Variants in CSMD3 observed in about 807,000 individuals in gnomAD.
CSMD3 encodes CUB and sushi domain-containing protein 3.
Under a neutral mutation model 435.2 loss-of-function variants are expected in CSMD3, and 177 were observed. That is an observed-to-expected ratio of 0.41 (90% CI 0.36 to 0.46). The LOEUF (loss-of-function observed/expected upper bound fraction) is 0.46, where lower values mean the gene tolerates loss of function less well. Ranked by LOEUF, CSMD3 falls within the 20% of genes least tolerant of loss-of-function variation. CSMD3 has a pLI of 0.34. For missense variants in CSMD3, 4,265 were observed against 4,504.6 expected (o/e 0.95, Z 1.52); for synonymous variants, 1,656 against 1,520.5 (o/e 1.09, Z -2.07).
chr8:112,839,655 A>G (rs1332527272), intron 11 of CSMD3, among the ~76,000 whole-genome samples: 1 of 151,666 alleles, frequency 6.6e-6, no homozygotes, highest in Non-Finnish European at 1.5e-5. Context: ...TTTGTTAAGA[A>G]GGGCTCTTTT....
chr8:112,829,569 T>C, intron 12 of CSMD3, 117 bp downstream of exon 12: 1 of 718,724 alleles, frequency 1.4e-6, no homozygotes, highest in Admixed American at 2.0e-5. Flanking sequence ...AATAACTAAG[T>C]TACTGTGCAT....
chr8:113,189,374 C>T (rs910174209), intron 3 of CSMD3, among the ~76,000 whole-genome samples: 1 of 151,686 alleles, frequency 6.6e-6, no homozygotes, highest in African/African-American at 2.4e-5. Flanking sequence ...TGTGACCTAT[C>T]CAACTGTATT....
chr8:112,822,950 A>G (rs1317432724), intron 12 of CSMD3, among the ~76,000 whole-genome samples: 2 of 152,136 alleles, frequency 1.3e-5, no homozygotes, highest in Non-Finnish European at 2.9e-5. Context: ...TAATTTGCAT[A>G]TGATTGACCA....
chr8:112,294,229 T>G (rs1820046195), intron 54 of CSMD3, among the ~76,000 whole-genome samples: 1 of 152,106 alleles, frequency 6.6e-6, no homozygotes, highest in Non-Finnish European at 1.5e-5. Context: ...TTCTGTGGAT[T>G]GGATCAAAAC....
At chr8:112,592,557 T>C (rs1014029639) in intron 22 of CSMD3, among the ~76,000 whole-genome samples, 1 of 152,054 alleles carries the variant, frequency 6.6e-6, no homozygotes, top group African/African-American at 2.4e-5. Context: ...AGAATTAGGG[T>C]AATCTTTATT....
At chr8:112,527,917 A>C (rs925504981) in intron 27 of CSMD3, among the ~76,000 whole-genome samples, 2 of 152,246 alleles carry the variant, frequency 1.3e-5, no homozygotes, top group Non-Finnish European at 2.9e-5. Context: ...AGTTCTGCTA[A>C]GGGAGCTGGC....
intron 3 of CSMD3, among the ~76,000 whole-genome samples, chr8:113,216,286 T>C (rs769019229): frequency 1.3e-4 from 19 of 151,940 alleles, no homozygotes; most frequent in Non-Finnish European, 2.5e-4. Flanking sequence ...CTATCTGTTA[T>C]GTACGCACTG....
At chr8:113,046,721 C>G (rs1212527261) in intron 5 of CSMD3, among the ~76,000 whole-genome samples, 1 of 152,134 alleles carries the variant, frequency 6.6e-6, no homozygotes, top group African/African-American at 2.4e-5. Flanking sequence ...GATACAAGGA[C>G]AAGATTCATA....
intron 3 of CSMD3, among the ~76,000 whole-genome samples, chr8:113,234,958 A>G (rs2093130713): frequency 6.6e-6 from 1 of 152,074 alleles, no homozygotes; most frequent in African/African-American, 2.4e-5. Flanking sequence ...GCCAGGTGGT[A>G]TTCATCTGCT....
At chr8:112,249,940 T>G (rs1185254905) in intron 63 of CSMD3, among the ~76,000 whole-genome samples, 3 of 152,006 alleles carry the variant, frequency 2.0e-5, no homozygotes, top group Non-Finnish European at 4.4e-5. Context: ...CTCATCCTTG[T>G]GCACCTTGAG....
rs564682510 is a variant in CSMD3, at chr8:112,586,314, T to A, written c.3885+752A>T. Among the ~76,000 whole-genome samples the A allele has an allele frequency of 2.0e-3, 305 of 151,602 alleles. 3 individuals are homozygous for A. The highest frequency in any genetic ancestry group is 7.2e-3 in the African/African-American group (299 of 41,502). On this transcript the variant is annotated intron_variant, in intron 23 of 70. Transcript: ENST00000297405. ...ACTTAACAATTAGAAAAAAGCTACA[T>A]AACTATTTTAAAAACATTTAAATGT... is the stretch of plus-strand genomic sequence containing the variant.
intron 12 of CSMD3, among the ~76,000 whole-genome samples, chr8:112,817,261 C>G (rs1214690454): frequency 6.6e-6 from 1 of 152,038 alleles, no homozygotes; most frequent in Non-Finnish European, 1.5e-5. Context: ...GTCTCACCCT[C>G]TTGGTCTGCT....
chr8:112,692,917 C>A (rs1341725705), intron 13 of CSMD3, among the ~76,000 whole-genome samples: 1 of 8,566 alleles, frequency 1.2e-4, no homozygotes, highest in African/African-American at 7.5e-4. Flanking sequence ...ATCTTTATAT[C>A]TATCTATCTA....
In CSMD3 at chr8:112,372,970, A is replaced by AT. The variant is rs1563856485; in HGVS notation, c.6136+7381_6136+7382insA. ...GTGTAGTAACTCTGCCAGCAGAAAA[A>AT]ATATATATATATATATTTATATTTT... On this transcript the variant is annotated intron_variant, in intron 38 of 70. Coordinates refer to ENST00000297405, the MANE Select transcript of CSMD3 (RefSeq NM_198123.2). 1.2e-3 allele frequency among the ~76,000 whole-genome samples: 181 copies of AT among 144,862 alleles called. 1 individual carries two copies. The highest frequency in any genetic ancestry group is 4.3e-3 in the African/African-American group (169 of 39,730).
At chr8:113,106,133 G>A (rs1008260543) in intron 4 of CSMD3, among the ~76,000 whole-genome samples, 1 of 151,566 alleles carries the variant, frequency 6.6e-6, no homozygotes, top group Non-Finnish European at 1.5e-5. Flanking sequence ...TTAAAGGATT[G>A]TAAAAACAAA....
intron 3 of CSMD3, among the ~76,000 whole-genome samples, chr8:113,236,619 G>C (rs1292509505): frequency 3.9e-5 from 6 of 152,038 alleles, no homozygotes; most frequent in Admixed American, 3.3e-4. Flanking sequence ...ACTTAGACTA[G>C]GGGCTCTCCA....
rs3221516 is a variant in CSMD3, at chr8:113,375,514, T to TACACACACAC, written c.179-60731_179-60722dup. ...GGATTCAAAGCCAAAGACTATTTAA[T>TACACACACAC]ACACACACACACACACACACACACA... On this transcript the variant is annotated intron_variant, in intron 1 of 70. Transcript: ENST00000297405. Among the ~76,000 whole-genome samples, 396 of 69,288 alleles carry TACACACACAC rather than the reference T, an allele frequency of 5.7e-3. 5 individuals carry two copies. Among genetic ancestry groups the TACACACACAC allele is most frequent in the African/African-American group, 0.012 (371 of 30,162 alleles). 45.5% of individuals were successfully genotyped at this position (69,288 alleles called of 152,430 possible).
At chr8:113,174,621 AAG>A in intron 3 of CSMD3, among the ~76,000 whole-genome samples, 1 of 152,120 alleles carries the variant, frequency 6.6e-6, no homozygotes, top group East Asian at 1.9e-4. Context: ...ATACAAACAT[AAG>A]AGTTTTTTAA....
intron 3 of CSMD3, among the ~76,000 whole-genome samples, chr8:113,185,649 AT>A (rs1363968789): frequency 6.6e-6 from 1 of 152,072 alleles, no homozygotes; most frequent in African/African-American, 2.4e-5. Flanking sequence ...ATTGTTGAAA[AT>A]GATGGGCTGT....
Sources: allele counts gnomAD v4.1 joint callset (sites outside exome capture counted in the v4.1 genomes callset), GRCh38; gene constraint gnomAD v4.1.1; transcripts MANE v1.5; gene names NCBI Gene and HGNC (gene_info 2026-07-23, HGNC 2026-07-21).